Variants in KHDRBS2 observed in about 807,000 individuals in gnomAD.
KHDRBS2 encodes the protein KH RNA binding domain containing, signal transduction associated 2, also known as KH domain-containing, RNA-binding, signal transduction-associated protein 2.
A neutral mutation model predicts 44.3 loss-of-function variants in KHDRBS2; 26 were observed. The observed-to-expected ratio is 0.59, with a 90% CI of 0.43 to 0.81. The LOEUF (loss-of-function observed/expected upper bound fraction) is 0.81. KHDRBS2 is among the 40% of genes least tolerant of loss of function. The probability of loss-of-function intolerance (pLI) is 0.00; values close to 1 mark genes in which losing one functional copy is unlikely to be tolerated. For missense variants in KHDRBS2, 476 were observed against 433.1 expected (o/e 1.10, Z -0.88); for synonymous variants, 194 against 151.1 (o/e 1.28, Z -2.08).
chr6:61,719,328 T>A (rs1771972034), intron 7 of KHDRBS2, among the ~76,000 whole-genome samples: 1 of 152,120 alleles, frequency 6.6e-6, no homozygotes, highest in African/African-American at 2.4e-5. Flanking sequence ...TTTTTTCTAC[T>A]TGTATAATTT....
chr6:61,567,206 A>T, the KHDRBS2 span, among the ~76,000 whole-genome samples: 1 of 152,188 alleles, frequency 6.6e-6, no homozygotes, highest in Non-Finnish European at 1.5e-5. Context: ...GTTGTGGAAG[A>T]TTTATATCTC....
intron 7 of KHDRBS2, among the ~76,000 whole-genome samples, chr6:61,701,606 G>A (rs1051905780): frequency 1.3e-5 from 2 of 151,854 alleles, no homozygotes; most frequent in African/African-American, 4.8e-5. Flanking sequence ...TTATCCACTG[G>A]GATAAAGAAG....
intron 6 of KHDRBS2, among the ~76,000 whole-genome samples, chr6:61,840,551 G>C (rs1167766735): frequency 6.6e-6 from 1 of 152,130 alleles, no homozygotes; most frequent in Non-Finnish European, 1.5e-5. Flanking sequence ...CAGATAATAA[G>C]AGTAGCTGAT....
intron 2 of KHDRBS2, among the ~76,000 whole-genome samples, chr6:62,092,517 T>C (rs906237061): frequency 9.2e-5 from 14 of 152,208 alleles, no homozygotes; most frequent in African/African-American, 2.9e-4. Context: ...TAAGTAATTT[T>C]ATTGCCCCTC....
At chr6:62,095,274 A>G (rs1169633591) in intron 2 of KHDRBS2, among the ~76,000 whole-genome samples, 2 of 151,890 alleles carry the variant, frequency 1.3e-5, no homozygotes, top group African/African-American at 4.8e-5. Context: ...TGAACAATAT[A>G]AAACACCGAT....
At chr6:61,624,344 T>C in the KHDRBS2 span, among the ~76,000 whole-genome samples, 2 of 152,314 alleles carry the variant, frequency 1.3e-5, no homozygotes, top group African/African-American at 4.8e-5. Context: ...CACCTCTGAA[T>C]GGTCAACCTT....
the KHDRBS2 span, among the ~76,000 whole-genome samples, chr6:61,657,627 G>A: frequency 6.6e-6 from 1 of 151,940 alleles, no homozygotes. Flanking sequence ...TAGAGCTTGG[G>A]AAAGCTTTGG....
intron 6 of KHDRBS2, among the ~76,000 whole-genome samples, chr6:61,880,656 T>G (rs2127316490): frequency 6.6e-6 from 1 of 152,022 alleles, no homozygotes; most frequent in African/African-American, 2.4e-5. Context: ...AGTTCCTGCT[T>G]AATGAGTAAG....
intron 6 of KHDRBS2, among the ~76,000 whole-genome samples, chr6:61,848,397 A>G (rs1285957132): frequency 6.9e-6 from 1 of 145,218 alleles, no homozygotes; most frequent in Non-Finnish European, 1.5e-5. Context: ...ACTAAGATGT[A>G]TAACACTCCC....
intron 2 of KHDRBS2, among the ~76,000 whole-genome samples, chr6:62,140,248 C>G (rs1584921656): frequency 6.6e-6 from 1 of 152,016 alleles, no homozygotes; most frequent in African/African-American, 2.4e-5. Context: ...TGTAAGCACC[C>G]CATGAAAAGT....
At chr6:61,652,615 C>T in the KHDRBS2 span, among the ~76,000 whole-genome samples, 2 of 151,950 alleles carry the variant, frequency 1.3e-5, no homozygotes, top group Admixed American at 6.6e-5. Context: ...CAGTGAGTCC[C>T]TGGAAAGAGC....
rs567897246 is a variant in KHDRBS2, at chr6:61,979,050, G to A, written c.337-838C>T. Among the ~76,000 whole-genome samples, 4 of 152,130 alleles carry A rather than the reference G, an allele frequency of 2.6e-5. No individual in the cohort carries two copies. In the South Asian group the frequency reaches 8.3e-4, roughly 32 times the overall value. ...GAAACCTGGTTAATTCAGTGCAGGTGTACAGCAAATCAATATGTGATCCAT... is the reference window on the plus strand; with the variant it reads ...GAAACCTGGTTAATTCAGTGCAGGTATACAGCAAATCAATATGTGATCCAT... On this transcript the variant is annotated intron_variant, in intron 3 of 8. Coordinates refer to ENST00000281156, the MANE Select transcript of KHDRBS2 (RefSeq NM_152688.4).
intron 4 of KHDRBS2, among the ~76,000 whole-genome samples, chr6:61,908,056 T>G (rs1805349081): frequency 6.6e-6 from 1 of 152,164 alleles, no homozygotes; most frequent in Non-Finnish European, 1.5e-5. Flanking sequence ...TTTATAGCAT[T>G]TATAAATTTT....
the KHDRBS2 span, among the ~76,000 whole-genome samples, chr6:61,608,013 G>T: frequency 6.6e-6 from 1 of 152,088 alleles, no homozygotes; most frequent in African/African-American, 2.4e-5. Flanking sequence ...TGTAGCCAAT[G>T]ATTTACTTCA....
chr6:61,735,861 T>C (rs1775242898), intron 6 of KHDRBS2, among the ~76,000 whole-genome samples: 1 of 152,252 alleles, frequency 6.6e-6, no homozygotes. Context: ...ATTTTTACTA[T>C]TCCATGTTAA....
intron 6 of KHDRBS2, among the ~76,000 whole-genome samples, chr6:61,861,903 T>C (rs1797039951): frequency 6.6e-6 from 1 of 152,172 alleles, no homozygotes; most frequent in African/African-American, 2.4e-5. Flanking sequence ...CAGTGGTTTG[T>C]AGTTCTCCTT....
chr6:61,703,680 TA>T (rs1482986467), intron 7 of KHDRBS2, among the ~76,000 whole-genome samples: 1 of 151,980 alleles, frequency 6.6e-6, no homozygotes, highest in Non-Finnish European at 1.5e-5. Flanking sequence ...AAGTGCTATT[TA>T]AAAAACATTA....
intron 2 of KHDRBS2, among the ~76,000 whole-genome samples, chr6:62,175,134 G>T (rs746318015): frequency 4.0e-5 from 6 of 151,622 alleles, no homozygotes; most frequent in Non-Finnish European, 8.9e-5. Context: ...CCAGAACAAG[G>T]TAGGTCAACT....
the KHDRBS2 span, among the ~76,000 whole-genome samples, chr6:61,664,404 C>T: frequency 6.6e-6 from 1 of 151,470 alleles, no homozygotes; most frequent in Non-Finnish European, 1.5e-5. Context: ...CCTTATTGTC[C>T]CAAATTTAGT....
Sources: gnomAD v4.1 joint callset for allele counts (sites outside exome capture counted in the v4.1 genomes callset) on GRCh38, gnomAD v4.1.1 for gene constraint, MANE v1.5 for transcripts, NCBI Gene and HGNC (gene_info 2026-07-23, HGNC 2026-07-21) for gene names.